The following XDH variants were observed in gnomAD, a reference collection of about 807,000 sequenced individuals.
The protein encoded by XDH is xanthine dehydrogenase, also known as xanthine dehydrogenase/oxidase.
In XDH, 138 loss-of-function variants were observed where a neutral mutation model predicts 156.1. The ratio of observed to expected loss-of-function variants is 0.88; its 90% CI spans 0.77 to 1.02. XDH has a LOEUF of 1.02. Ranked by LOEUF, XDH falls within the 50% of genes least tolerant of loss-of-function variation. XDH has a pLI of 0.00. For missense variants in XDH, 1,849 were observed against 1,684.9 expected, an observed-to-expected ratio of 1.10 and a Z score of -1.71; for synonymous variants, 669 against 625.7, an observed-to-expected ratio of 1.07 and a Z score of -1.03.
At chr2:31,388,116 C>G (rs1686663666) in intron 7 of XDH, 111 bp downstream of exon 7, 1 of 1,277,194 alleles carries the variant, frequency 7.8e-7, no homozygotes, top group Non-Finnish European at 1.1e-6. Flanking sequence ...ATCACCGACT[C>G]ACCGTAGGTT....
intron 6 of XDH, among the ~76,000 whole-genome samples, chr2:31,394,554 T>A (rs206856): frequency 0.048 from 7,336 of 152,242 alleles, 331 homozygotes; most frequent in African/African-American, 0.12. Flanking sequence ...CTGAATTTCC[T>A]GACTCTGTGG....
intron 23 of XDH, among the ~76,000 whole-genome samples, chr2:31,364,644 A>C (rs1047483849): frequency 6.6e-6 from 1 of 152,186 alleles, no homozygotes; most frequent in Non-Finnish European, 1.5e-5. Context: ...GTCAGAAGAC[A>C]CAAAAAGTTT....
rs373417828 is a variant in XDH at position 31,340,613 on chromosome 2, G to A, written c.3585+716C>T. ...GCCTCCTGAGTAGCTGGGATTACAG[G>A]TGCATGCCACCACACCCAGCTAATT... On this transcript the variant is annotated intron_variant, in intron 33 of 35. Transcript: ENST00000379416. Among the ~76,000 whole-genome samples the A allele has an allele frequency of 6.6e-5, 10 of 152,136 alleles. No homozygotes were observed. The East Asian group carries it at 7.7e-4, about 12-fold the overall frequency.
intron 15 of XDH, among the ~76,000 whole-genome samples, chr2:31,374,514 G>A (rs552275494): frequency 3.9e-5 from 6 of 152,304 alleles, no homozygotes; most frequent in Admixed American, 3.3e-4. Flanking sequence ...CAGTATGACA[G>A]ATAGATGGAC....
intron 2 of XDH, among the ~76,000 whole-genome samples, chr2:31,405,470 C>T (rs962677701): frequency 6.6e-6 from 1 of 152,108 alleles, no homozygotes; most frequent in African/African-American, 2.4e-5. Context: ...TCTTACCTCA[C>T]GCATCCTTTT....
chr2:31,373,327 C>A (rs1281956098), intron 16 of XDH, among the ~76,000 whole-genome samples: 1 of 152,170 alleles, frequency 6.6e-6, no homozygotes, highest in East Asian at 1.9e-4. Context: ...CCAACACAAG[C>A]CCACTGCCTG....
intron 16 of XDH, among the ~76,000 whole-genome samples, chr2:31,373,048 T>C (rs1686121314): frequency 6.6e-6 from 1 of 152,264 alleles, no homozygotes; most frequent in Non-Finnish European, 1.5e-5. Context: ...TGTTTCACCA[T>C]ATCCCAGGGA....
intron 14 of XDH, among the ~76,000 whole-genome samples, chr2:31,376,148 G>C (rs1289331763): frequency 6.6e-6 from 1 of 151,914 alleles, no homozygotes; most frequent in East Asian, 1.9e-4. Context: ...GGTAGCAATA[G>C]TAGCAATAAC....
At chr2:31,368,983 T>TG (rs1218353454) in intron 18 of XDH, among the ~76,000 whole-genome samples, 20 of 152,124 alleles carry the variant, frequency 1.3e-4, no homozygotes, top group Non-Finnish European at 2.6e-4. Context: ...AGTGCATTTG[T>TG]CAATTCGGAT....
At chr2:31,394,564 G>C (rs1298456881) in intron 6 of XDH, among the ~76,000 whole-genome samples, 1 of 152,078 alleles carries the variant, frequency 6.6e-6, no homozygotes, top group Non-Finnish European at 1.5e-5. Context: ...TGACTCTGTG[G>C]TTTAAAATCT....
chr2:31,337,477 G>A (rs914236955), intron 35 of XDH, among the ~76,000 whole-genome samples, 164 bp downstream of exon 35: 3 of 152,160 alleles, frequency 2.0e-5, no homozygotes, highest in Non-Finnish European at 2.9e-5. Flanking sequence ...TTGCAAGTTC[G>A]AGTGTGTGCT....
chr2:31,384,073 C>CA, intron 9 of XDH: 2 of 535,948 alleles, frequency 3.7e-6, no homozygotes, highest in Non-Finnish European at 6.7e-6. Flanking sequence ...CTTTCCCTCT[C>CA]AAAAAACCTA....
chr2:31,394,644 T>C (rs1289955739), intron 6 of XDH, among the ~76,000 whole-genome samples: 5 of 152,198 alleles, frequency 3.3e-5, no homozygotes, highest in African/African-American at 1.2e-4. Context: ...CTCTTTTTCT[T>C]CTTTTACTGC....
intron 15 of XDH, among the ~76,000 whole-genome samples, chr2:31,375,173 A>G (rs1686210810): frequency 6.6e-6 from 1 of 151,814 alleles, no homozygotes; most frequent in African/African-American, 2.4e-5. Context: ...TTACAGGGCA[A>G]GAACCTCTGT....
intron 6 of XDH, among the ~76,000 whole-genome samples, chr2:31,392,310 C>A (rs11895133): frequency 2.6e-5 from 4 of 151,570 alleles, no homozygotes; most frequent in East Asian, 3.9e-4. Context: ...GATTTTTGCT[C>A]CAAATTTTAT....
At chr2:31,396,031 A>T (rs1208853726) in intron 6 of XDH, among the ~76,000 whole-genome samples, 1 of 152,204 alleles carries the variant, frequency 6.6e-6, no homozygotes, top group African/African-American at 2.4e-5. Flanking sequence ...TGTGGACAGG[A>T]AAGCTAGTAA....
chr2:31,372,841 A>C (rs1052104473), intron 16 of XDH, among the ~76,000 whole-genome samples: 1 of 152,208 alleles, frequency 6.6e-6, no homozygotes, highest in Non-Finnish European at 1.5e-5. Flanking sequence ...ACATGTCCAT[A>C]TACACATAGG....
At chr2:31,391,813 T>C in intron 6 of XDH, among the ~76,000 whole-genome samples, 1 of 152,244 alleles carries the variant, frequency 6.6e-6, no homozygotes, top group East Asian at 1.9e-4. Flanking sequence ...TACATTGCTG[T>C]TACATATGAA....
In XDH at chr2:31,366,881, T is replaced by A; in HGVS notation, c.2311A>T (p.Met771Leu). 6.2e-7 allele frequency: 1 copy of A among 1,614,182 alleles called. No individual in the cohort carries two copies. Among genetic ancestry groups the A allele is most frequent in the Non-Finnish European group, 8.5e-7 (1 of 1,180,030 alleles). The stretch of plus-strand genomic sequence containing the variant: ...CAAAAGGCATCTACCTGGGTCTTCA[T>A]GGTGTTCTGTGTAGACACAAAGAGC... ...MELFVSTQNT[M>L]KTQSFVAKML... is the part of the protein sequence containing the mutation. The change falls in exon 21 of 36, where the codon ATG becomes TTG. Residue 771 changes from methionine to leucine, a missense_variant. Transcript: ENST00000379416.
Sources: gnomAD v4.1 joint callset for allele counts (sites outside exome capture counted in the v4.1 genomes callset) on GRCh38, gnomAD v4.1.1 for gene constraint, MANE v1.5 for transcripts, NCBI Gene and HGNC (gene_info 2026-07-23, HGNC 2026-07-21) for gene names.